ATP8A2: variants seen among roughly 807,000 people sequenced by gnomAD.
The protein encoded by ATP8A2 is ATPase phospholipid transporting 8A2, also known as phospholipid-transporting ATPase IB.
In ATP8A2, 100 loss-of-function variants were observed where a neutral mutation model predicts 165.6. That is an observed-to-expected ratio of 0.60 (90% CI 0.51 to 0.71). ATP8A2 has a LOEUF of 0.71. ATP8A2 is among the 30% of genes least tolerant of loss of function. The probability of loss-of-function intolerance (pLI) is 0.00; values close to 1 mark genes in which losing one functional copy is unlikely to be tolerated. For synonymous variants in ATP8A2, 543 were observed against 548.8 expected, an observed-to-expected ratio of 0.99 and a Z score of 0.15; for missense variants, 1,227 against 1,479.5, an observed-to-expected ratio of 0.83 and a Z score of 2.80.
chr13:25,998,653 A>G (rs557665233), intron 35 of ATP8A2, among the ~76,000 whole-genome samples: 1 of 152,316 alleles, frequency 6.6e-6, no homozygotes, highest in South Asian at 2.1e-4. Flanking sequence ...CTGTGCTGCT[A>G]CAAGCCTCTC....
At chr13:25,990,425 G>T (rs1203878523) in intron 35 of ATP8A2, among the ~76,000 whole-genome samples, 3 of 152,134 alleles carry the variant, frequency 2.0e-5, no homozygotes, top group Non-Finnish European at 4.4e-5. Flanking sequence ...CTGGGAAGCT[G>T]GTCTGGGAAG....
chr13:25,514,387 C>G (rs1332028935), intron 2 of ATP8A2, among the ~76,000 whole-genome samples: 3 of 152,112 alleles, frequency 2.0e-5, no homozygotes, highest in Admixed American at 6.5e-5. Flanking sequence ...TTTTGTGGTG[C>G]AGGCTTTCTA....
chr13:25,387,802 G>T (rs1442615414), intron 1 of ATP8A2, among the ~76,000 whole-genome samples: 1 of 152,154 alleles, frequency 6.6e-6, no homozygotes, highest in Admixed American at 6.5e-5. Context: ...GGTGGCTCAT[G>T]CCTGTAATCC....
In ATP8A2 at chr13:25,904,894, A is replaced by G. The variant is rs112715196; in HGVS notation, c.3183+42486A>G. ...TACCCTCAGTGTCTGCCAAATTGCC[A>G]AATATGGTTGTTTAGTGTGCCAAAA... On this transcript the variant is annotated intron_variant, in intron 33 of 36. Coordinates refer to ENST00000381655, the MANE Select transcript of ATP8A2 (RefSeq NM_016529.6). Among the ~76,000 whole-genome samples the G allele has an allele frequency of 5.5e-3, 831 of 152,330 alleles. 4 individuals are homozygous for G. Among genetic ancestry groups the G allele is most frequent in the African/African-American group, 0.018 (742 of 41,576 alleles).
intron 24 of ATP8A2, among the ~76,000 whole-genome samples, chr13:25,645,751 A>G (rs527832234): frequency 1.3e-5 from 2 of 152,272 alleles, no homozygotes; most frequent in Admixed American, 6.5e-5. Flanking sequence ...ACTGAATTCT[A>G]GTTTCATACC....
rs201409188 is a variant in ATP8A2 at position 25,468,977 on chromosome 13, G to A, written c.77G>A (p.Gly26Glu). 1.6e-4 allele frequency: 264 copies of A among 1,613,956 alleles called. No individual in the cohort carries two copies. In the African/African-American group the frequency reaches 3.2e-3, roughly 20 times the overall value. The change falls in exon 2 of 37, where the codon GGA becomes GAA. Residue 26 changes from glycine to glutamate, a missense_variant and splice_region_variant. Gly to Glu is a moderately conservative substitution (Grantham distance 98). Around this residue, in one of 5 missense-constraint regions of ATP8A2, gnomAD observed 356 missense variants for 394.9 expected, o/e 0.90. Transcript: ENST00000381655. ...PRRSRIRSSV[G>E]PVRSSLGYKK... ...CTCTGCCTGCGCCCTGTCTCTGCAG[G>A]ACCTGTTCGTTCTTCTTTGGGCTAT...
At chr13:25,665,612 T>A (rs1269106352) in intron 24 of ATP8A2, among the ~76,000 whole-genome samples, 1 of 152,194 alleles carries the variant, frequency 6.6e-6, no homozygotes, top group East Asian at 1.9e-4. Flanking sequence ...TGTAAGAGCC[T>A]CATCCAAATA....
intron 27 of ATP8A2, among the ~76,000 whole-genome samples, chr13:25,811,783 C>A (rs951498462): frequency 3.3e-5 from 5 of 152,186 alleles, no homozygotes; most frequent in Non-Finnish European, 5.9e-5. Flanking sequence ...ATCACTTGAG[C>A]CTAGGAAGTT....
intron 24 of ATP8A2, among the ~76,000 whole-genome samples, chr13:25,695,016 A>G (rs2042805970): frequency 6.6e-6 from 1 of 152,208 alleles, no homozygotes. Context: ...ACTTTTATGC[A>G]TAGAACATTA....
At chr13:25,922,665 C>T (rs570800689) in intron 33 of ATP8A2, among the ~76,000 whole-genome samples, 2 of 152,152 alleles carry the variant, frequency 1.3e-5, no homozygotes, top group Non-Finnish European at 2.9e-5. Flanking sequence ...GTGACGTTCT[C>T]GCATTCTTTT....
intron 24 of ATP8A2, among the ~76,000 whole-genome samples, chr13:25,595,004 ATATG>A (rs1317265334): frequency 6.7e-6 from 1 of 148,880 alleles, no homozygotes; most frequent in Non-Finnish European, 1.5e-5. Context: ...ATATATATAT[ATATG>A]TATGTATGCG....
chr13:25,961,057 C>T (rs1245601308), intron 33 of ATP8A2, among the ~76,000 whole-genome samples: 7 of 152,124 alleles, frequency 4.6e-5, no homozygotes, highest in Non-Finnish European at 8.8e-5. Flanking sequence ...TAGATTGCAC[C>T]AGAGAGTATT....
intron 1 of ATP8A2, among the ~76,000 whole-genome samples, chr13:25,461,917 C>G (rs368874457): frequency 8.5e-4 from 129 of 152,184 alleles, no homozygotes; most frequent in African/African-American, 3.1e-3. Flanking sequence ...TATGTGGCCA[C>G]AAAGCCTAAA....
At chr13:25,685,066 C>G (rs1448577806) in intron 24 of ATP8A2, among the ~76,000 whole-genome samples, 1 of 152,170 alleles carries the variant, frequency 6.6e-6, no homozygotes, top group African/African-American at 2.4e-5. Context: ...ACTCCTCCTG[C>G]TTGTGGTTCC....
chr13:25,723,978 G>A (rs1011158694), intron 25 of ATP8A2, among the ~76,000 whole-genome samples: 7 of 152,282 alleles, frequency 4.6e-5, no homozygotes, highest in Admixed American at 4.6e-4. Flanking sequence ...TGCGTGGCCA[G>A]GAAGTAGGTA....
intron 30 of ATP8A2, among the ~76,000 whole-genome samples, chr13:25,841,714 A>G (rs2138668511): frequency 6.6e-6 from 1 of 152,312 alleles, no homozygotes; most frequent in African/African-American, 2.4e-5. Context: ...ACCTTCAAAG[A>G]GTTTGTAGTA....
At chr13:25,980,288 C>A (rs951841173) in intron 35 of ATP8A2, among the ~76,000 whole-genome samples, 2 of 152,146 alleles carry the variant, frequency 1.3e-5, no homozygotes, top group Admixed American at 6.5e-5. Flanking sequence ...ATCAGAGCAA[C>A]CCTCTTGCTT....
intron 9 of ATP8A2, among the ~76,000 whole-genome samples, 180 bp downstream of exon 9, chr13:25,542,226 A>T (rs914691763): frequency 3.9e-5 from 6 of 152,192 alleles, no homozygotes; most frequent in East Asian, 1.9e-4. Flanking sequence ...CAAGGGCCTC[A>T]GATGAGGCTC....
At chr13:25,746,002 C>G (rs1183995875) in intron 25 of ATP8A2, among the ~76,000 whole-genome samples, 3 of 152,196 alleles carry the variant, frequency 2.0e-5, no homozygotes, top group Non-Finnish European at 4.4e-5. Flanking sequence ...ACTCCAGATG[C>G]CTGGAGCTGT....
Sources: allele counts gnomAD v4.1 joint callset (sites outside exome capture counted in the v4.1 genomes callset), GRCh38; gene constraint gnomAD v4.1.1; regional missense constraint gnomAD v4.1.1; transcripts MANE v1.5; gene names NCBI Gene and HGNC (gene_info 2026-07-23, HGNC 2026-07-21).